KHDC1: variants seen among roughly 807,000 people sequenced by gnomAD.
KHDC1 encodes KH domain containing 1.
KHDC1 carries 21 observed loss-of-function variants against 24.7 expected under a neutral mutation model. That is an observed-to-expected ratio of 0.85 (90% CI 0.60 to 1.23). The LOEUF (loss-of-function observed/expected upper bound fraction) is 1.23. Among genes scored for constraint, KHDC1 ranks in the 50% most tolerant of loss-of-function variants. KHDC1 has a pLI of 0.00. For synonymous variants in KHDC1, 98 were observed against 111.7 expected, an observed-to-expected ratio of 0.88 and a Z score of 0.77; for missense variants, 274 against 298.5, an observed-to-expected ratio of 0.92 and a Z score of 0.61.
intron 2 of KHDC1, among the ~76,000 whole-genome samples, chr6:73,243,156 T>C (rs1400301623): frequency 1.3e-5 from 2 of 151,722 alleles, no homozygotes; most frequent in African/African-American, 2.4e-5. Context: ...AAGAGATTAA[T>C]GTGGTCTTCA....
At chr6:73,245,996 G>A (rs1290581280) in intron 2 of KHDC1, among the ~76,000 whole-genome samples, 1 of 152,176 alleles carries the variant, frequency 6.6e-6, no homozygotes, top group African/African-American at 2.4e-5. Context: ...CGGGTTATTG[G>A]ACTTTGAATG....
At chr6:73,297,756 C>T in intron 1 of KHDC1, among the ~76,000 whole-genome samples, 1 of 152,090 alleles carries the variant, frequency 6.6e-6, no homozygotes, top group South Asian at 2.1e-4. Context: ...ACATGGCAAG[C>T]AGAGCCCATG....
intron 1 of KHDC1, among the ~76,000 whole-genome samples, chr6:73,302,828 G>A (rs1331960606): frequency 6.6e-6 from 1 of 152,202 alleles, no homozygotes; most frequent in East Asian, 1.9e-4. Flanking sequence ...TGTAATCCCA[G>A]CACTTTGGGA....
intron 2 of KHDC1, chr6:73,262,894 G>A: frequency 1.0e-6 from 1 of 986,626 alleles, no homozygotes; most frequent in Non-Finnish European, 1.2e-6. Context: ...CAGTGATGCC[G>A]CCGGGAACCC....
chr6:73,245,498 G>T (rs539222689), intron 2 of KHDC1, among the ~76,000 whole-genome samples: 1 of 152,156 alleles, frequency 6.6e-6, no homozygotes, highest in African/African-American at 2.4e-5. Context: ...CAGAGTACAG[G>T]TTCAGGAAGT....
chr6:73,294,118 G>A (rs1394491639), intron 1 of KHDC1, among the ~76,000 whole-genome samples: 1 of 131,344 alleles, frequency 7.6e-6, no homozygotes, highest in Non-Finnish European at 1.7e-5. Flanking sequence ...ACTGTCTCGA[G>A]ACAAAACAAA....
chr6:73,245,740 G>A (rs1766652935), intron 2 of KHDC1, among the ~76,000 whole-genome samples: 4 of 151,980 alleles, frequency 2.6e-5, no homozygotes. Context: ...TAACAGTCAC[G>A]GGAAATGTGT....
chr6:73,307,314 G>C (rs1430552244), intron 1 of KHDC1, among the ~76,000 whole-genome samples: 1 of 151,660 alleles, frequency 6.6e-6, no homozygotes, highest in Non-Finnish European at 1.5e-5. Flanking sequence ...TGTAATCCCA[G>C]CTACTCGGGA....
At chr6:73,280,514 CTTTTTT>C (rs55832102) in intron 2 of KHDC1, among the ~76,000 whole-genome samples, 3 of 117,466 alleles carry the variant, frequency 2.6e-5, no homozygotes, top group African/African-American at 3.2e-5. Flanking sequence ...TCTTTAATTT[CTTTTTT>C]TTTTTTTTTT....
chr6:73,249,604 GCA>G (rs773975484), intron 2 of KHDC1, among the ~76,000 whole-genome samples: 1 of 152,118 alleles, frequency 6.6e-6, no homozygotes, highest in Non-Finnish European at 1.5e-5. Context: ...CATGGGAAGC[GCA>G]CACACACAGG....
At chr6:73,292,657 G>T in intron 1 of KHDC1, 1 of 753,878 alleles carries the variant, frequency 1.3e-6, no homozygotes, top group Admixed American at 1.7e-5. Flanking sequence ...TAATATTGTT[G>T]ATCTCTTCCT....
At chr6:73,263,278 C>T in intron 2 of KHDC1, 82 bp from the exon 1 acceptor site, 4 of 985,680 alleles carry the variant, frequency 4.1e-6, no homozygotes, top group Non-Finnish European at 4.8e-6. Flanking sequence ...GTGTAGGAGA[C>T]AGCCTGCGGA....
At chr6:73,281,799 G>A (rs1299305149) in intron 2 of KHDC1, among the ~76,000 whole-genome samples, 1 of 152,092 alleles carries the variant, frequency 6.6e-6, no homozygotes, top group Non-Finnish European at 1.5e-5. Context: ...AGCCCAAACA[G>A]TGTACCACAT....
intron 2 of KHDC1, among the ~76,000 whole-genome samples, chr6:73,276,906 C>T (rs1406269390): frequency 6.6e-6 from 1 of 152,076 alleles, no homozygotes; most frequent in Non-Finnish European, 1.5e-5. Flanking sequence ...CAATTGGTAT[C>T]GATTGACAAG....
intron 2 of KHDC1, among the ~76,000 whole-genome samples, chr6:73,265,350 T>C (rs1767059860): frequency 6.6e-6 from 1 of 151,806 alleles, no homozygotes; most frequent in Non-Finnish European, 1.5e-5. Context: ...GCCAACATGG[T>C]GAAACCCCAT....
intron 2 of KHDC1, among the ~76,000 whole-genome samples, chr6:73,279,975 T>G (rs1484511789): frequency 6.6e-6 from 1 of 152,200 alleles, no homozygotes; most frequent in African/African-American, 2.4e-5. Context: ...ATCATTCCTG[T>G]TCTTGGTATA....
chr6:73,273,090 CT>C (rs937419096), intron 2 of KHDC1, among the ~76,000 whole-genome samples: 1 of 150,908 alleles, frequency 6.6e-6, no homozygotes, highest in Admixed American at 6.6e-5. Flanking sequence ...AACTCTTGAC[CT>C]CAGGTGATCC....
At chr6:73,298,687 C>T (rs754306880) in intron 1 of KHDC1, among the ~76,000 whole-genome samples, 21 of 151,772 alleles carry the variant, frequency 1.4e-4, no homozygotes, top group Non-Finnish European at 2.8e-4. Flanking sequence ...CCTGCCTCGG[C>T]CTTGCAAAGT....
At chr6:73,299,781 T>C (rs1767832011) in intron 1 of KHDC1, 2 of 152,256 alleles carry the variant, frequency 1.3e-5, no homozygotes, top group South Asian at 4.2e-4. Context: ...CCCAGTTTGA[T>C]ACAGATCAGG....
Sources: gnomAD v4.1 joint callset for allele counts (sites outside exome capture counted in the v4.1 genomes callset) on GRCh38, gnomAD v4.1.1 for gene constraint, MANE v1.5 for transcripts, NCBI Gene and HGNC (gene_info 2026-07-23, HGNC 2026-07-21) for gene names.